LOXHD1: variants seen among roughly 807,000 people sequenced by gnomAD.
LOXHD1 encodes lipoxygenase homology PLAT domains 1.
A neutral mutation model predicts 248.2 loss-of-function variants in LOXHD1; 205 were observed. That is an observed-to-expected ratio of 0.83 (90% confidence interval 0.74 to 0.93). The LOEUF is 0.93. LOXHD1 is among the 40% of genes least tolerant of loss of function. The pLI is 0.00. For synonymous variants in LOXHD1, 1,113 were observed against 1,162.8 expected (o/e 0.96, Z 0.87); for missense variants, 2,930 against 2,971.6 (o/e 0.99, Z 0.33).
chr18:46,511,181 G>A (rs2034937446), intron 34 of LOXHD1, among the ~76,000 whole-genome samples: 1 of 152,088 alleles, frequency 6.6e-6, no homozygotes, highest in Admixed American at 6.5e-5. Flanking sequence ...TTCATTCCAG[G>A]CTGAACCCCA....
At chr18:46,590,771 ACTCTGT>A (rs1568205178) in intron 12 of LOXHD1, among the ~76,000 whole-genome samples, 1 of 152,106 alleles carries the variant, frequency 6.6e-6, no homozygotes, top group African/African-American at 2.4e-5. Flanking sequence ...TCTAGATTTA[ACTCTGT>A]CTCTAACTAA....
At chr18:46,654,595 G>A (rs937020798) in intron 1 of LOXHD1, among the ~76,000 whole-genome samples, 2 of 152,210 alleles carry the variant, frequency 1.3e-5, no homozygotes, top group South Asian at 2.1e-4. Flanking sequence ...GTAGCCAGAA[G>A]GTAGCCTAAG....
intron 7 of LOXHD1, chr18:46,601,741 C>T (rs2038343709): frequency 6.8e-6 from 3 of 441,474 alleles, no homozygotes; most frequent in African/African-American, 2.0e-5. Context: ...AGGAAACTAA[C>T]AAAGAGAAGG....
At chr18:46,551,032 T>C (rs1167210414) in intron 21 of LOXHD1, among the ~76,000 whole-genome samples, 2 of 152,128 alleles carry the variant, frequency 1.3e-5, no homozygotes, top group Non-Finnish European at 2.9e-5. Flanking sequence ...CATTGTCTCC[T>C]CTGGGGGTAA....
chr18:46,622,468 T>C (rs376833389), intron 4 of LOXHD1, among the ~76,000 whole-genome samples: 10 of 152,296 alleles, frequency 6.6e-5, no homozygotes, highest in South Asian at 2.1e-4. Flanking sequence ...CAGGCTGGGA[T>C]TGGGCCACCG....
chr18:46,641,972 G>C lies in LOXHD1; in HGVS notation c.310C>G (p.Leu104Val). The change falls in exon 3 of 41, where the codon CTC (leucine) becomes GTC (valine). Residue 104 changes from leucine to valine, a missense_variant. Leu to Val is a conservative substitution (Grantham distance 32). Coordinates refer to ENST00000642948, the MANE Select transcript of LOXHD1 (RefSeq NM_001384474.1). Reference protein sequence around the residue: ...VFRVRTNNVGLIYKVRIEHDN... With the variant: ...VFRVRTNNVGVIYKVRIEHDN... ...GCTTCTCACCTGACTTTATAGATGA[G>C]GCCCACATTGTTGGTTCTCACCCGG... is the stretch of plus-strand genomic sequence containing the variant. 1 of 1,552,202 alleles carries C rather than the reference G, an allele frequency of 6.4e-7. No homozygotes were observed. The highest frequency in any genetic ancestry group is 8.7e-7 in the Non-Finnish European group (1 of 1,147,078).
chr18:46,543,675 C>A (rs561878338), intron 23 of LOXHD1, among the ~76,000 whole-genome samples: 2 of 152,132 alleles, frequency 1.3e-5, no homozygotes, highest in African/African-American at 4.8e-5. Context: ...TGTTCTTTCA[C>A]TGAGTTTTAC....
intron 4 of LOXHD1, among the ~76,000 whole-genome samples, chr18:46,619,642 A>G (rs1452595944): frequency 6.6e-6 from 1 of 152,208 alleles, no homozygotes; most frequent in African/African-American, 2.4e-5. Flanking sequence ...GCTCAGGGCA[A>G]AGGACTGAGG....
intron 2 of LOXHD1, among the ~76,000 whole-genome samples, chr18:46,647,996 C>T (rs899989131): frequency 6.6e-6 from 1 of 152,216 alleles, no homozygotes; most frequent in African/African-American, 2.4e-5. Context: ...GTGGCTCACA[C>T]CTGTAATCCT....
At chr18:46,647,570 T>G (rs1156346978) in intron 2 of LOXHD1, among the ~76,000 whole-genome samples, 1 of 152,040 alleles carries the variant, frequency 6.6e-6, no homozygotes, top group African/African-American at 2.4e-5. Flanking sequence ...AGGATGGAGG[T>G]TTCATGTATT....
chr18:46,627,703 T>C (rs1412591503), intron 4 of LOXHD1, among the ~76,000 whole-genome samples: 1 of 152,090 alleles, frequency 6.6e-6, no homozygotes, highest in African/African-American at 2.4e-5. Context: ...TTCCCAGGTG[T>C]GTGAGTGACA....
intron 12 of LOXHD1, among the ~76,000 whole-genome samples, chr18:46,580,275 CT>C (rs2037938708): frequency 6.6e-6 from 1 of 152,198 alleles, no homozygotes; most frequent in Admixed American, 6.5e-5. Context: ...CCCAGTAAAC[CT>C]TTTGCCTTAG....
At chr18:46,584,911 C>T (rs2038031157) in intron 12 of LOXHD1, among the ~76,000 whole-genome samples, 1 of 152,026 alleles carries the variant, frequency 6.6e-6, no homozygotes, top group African/African-American at 2.4e-5. Flanking sequence ...GGCTTAACTG[C>T]TGAAAATCAA....
intron 1 of LOXHD1, among the ~76,000 whole-genome samples, chr18:46,655,715 C>T (rs2039172307): frequency 6.6e-6 from 1 of 152,202 alleles, no homozygotes; most frequent in Non-Finnish European, 1.5e-5. Context: ...AGACTACCTC[C>T]TCTAAGCCCA....
intron 8 of LOXHD1, among the ~76,000 whole-genome samples, chr18:46,595,471 C>A (rs1027325123): frequency 2.6e-5 from 4 of 152,172 alleles, no homozygotes; most frequent in Non-Finnish European, 4.4e-5. Flanking sequence ...ACCCCACCTG[C>A]ATTCAATAGA....
chr18:46,555,068 T>A, intron 21 of LOXHD1: 1 of 469,446 alleles, frequency 2.1e-6, no homozygotes, highest in Admixed American at 2.4e-5. Context: ...GCTATAATAA[T>A]GTTTAAATTG....
intron 5 of LOXHD1, among the ~76,000 whole-genome samples, chr18:46,614,102 C>T (rs936988179): frequency 1.3e-5 from 2 of 152,158 alleles, no homozygotes; most frequent in Admixed American, 6.5e-5. Flanking sequence ...GAAATAGGAA[C>T]ACTTTTACAC....
chr18:46,524,435 C>A (rs1226863269), intron 31 of LOXHD1, 31 bp downstream of exon 31: 3 of 1,541,010 alleles, frequency 1.9e-6, no homozygotes, highest in Admixed American at 2.0e-5. Context: ...TGTGCCTGGC[C>A]CCCGTCCAAA....
In LOXHD1 at chr18:46,477,598, C is replaced by G. The variant is rs1197122623; in HGVS notation, c.6696G>C (p.Trp2232Cys). Reference sequence around the variant, plus strand: ...TGGTGACCTCCACCTTCTCCACCAGCCAGCCTGAGCAGTAGCCACTGCTGT... The same window carrying G: ...TGGTGACCTCCACCTTCTCCACCAGGCAGCCTGAGCAGTAGCCACTGCTGT... ...EHDSSGYCSG[W>C]LVEKVEVTNT... The change falls in exon 41 of 41, where the codon TGG (tryptophan) becomes TGC (cysteine). Residue 2232 changes from tryptophan to cysteine, a missense_variant. By Grantham distance (215) the Trp-to-Cys change is radical. Coordinates refer to ENST00000642948, the MANE Select transcript of LOXHD1 (RefSeq NM_001384474.1). 3.9e-6 allele frequency: 6 copies of G among 1,551,612 alleles called. No homozygotes were observed. The highest frequency in any genetic ancestry group is 1.4e-5 in the African/African-American group (1 of 73,078).
Sources: gnomAD v4.1 joint callset for allele counts (sites outside exome capture counted in the v4.1 genomes callset) on GRCh38, gnomAD v4.1.1 for gene constraint, MANE v1.5 for transcripts, NCBI Gene and HGNC (gene_info 2026-07-23, HGNC 2026-07-21) for gene names.